MORC1: variants seen among roughly 807,000 people sequenced by gnomAD.
MORC1 encodes MORC family CW-type zinc finger 1, also known as MORC family CW-type zinc finger protein 1.
Under a neutral mutation model 134.9 loss-of-function variants are expected in MORC1, and 59 were observed. That is an observed-to-expected ratio of 0.44 (90% CI 0.35 to 0.54). The LOEUF (loss-of-function observed/expected upper bound fraction) is 0.54, where lower values mean the gene tolerates loss of function less well. MORC1 is among the 20% of genes least tolerant of loss of function. The pLI, the probability that MORC1 is intolerant of heterozygous loss-of-function variation, is 0.00. For missense variants in MORC1, 947 were observed against 1,134.5 expected, an observed-to-expected ratio of 0.83 and a Z score of 2.37; for synonymous variants, 395 against 391.7, an observed-to-expected ratio of 1.01 and a Z score of -0.10.
At chr3:109,012,899 TTC>T (rs1948729465) in intron 17 of MORC1, among the ~76,000 whole-genome samples, 1 of 152,232 alleles carries the variant, frequency 6.6e-6, no homozygotes, top group Admixed American at 6.5e-5. Flanking sequence ...TTCTTTCTTT[TTC>T]TCTCTTTTCA....
At chr3:109,079,151 C>T (rs952382009) in intron 8 of MORC1, among the ~76,000 whole-genome samples, 1 of 151,932 alleles carries the variant, frequency 6.6e-6, no homozygotes, top group African/African-American at 2.4e-5. Context: ...CCAATCAATA[C>T]TAAATAAGGA....
intron 17 of MORC1, among the ~76,000 whole-genome samples, chr3:109,024,386 C>A (rs751633736): frequency 6.6e-6 from 1 of 152,072 alleles, no homozygotes; most frequent in Non-Finnish European, 1.5e-5. Flanking sequence ...AAATAAGATA[C>A]CATGTGGAAA....
intron 14 of MORC1, among the ~76,000 whole-genome samples, chr3:109,038,729 T>C (rs564269391): frequency 6.6e-6 from 1 of 152,338 alleles, no homozygotes; most frequent in African/African-American, 2.4e-5. Context: ...GTCAGGTTTG[T>C]CAAAGACCAG....
rs149263174 is a variant in MORC1, at chr3:108,970,167, A to G, written c.2551-445T>C. 4.4e-4 allele frequency among the ~76,000 whole-genome samples: 67 copies of G among 152,258 alleles called. No individual in the cohort carries two copies. In the East Asian group the frequency reaches 0.011, roughly 25 times the overall value. On this transcript the variant is annotated intron_variant, in intron 25 of 27. Coordinates refer to ENST00000232603, the MANE Select transcript of MORC1 (RefSeq NM_014429.4). ...ACGAGGTTACCTAGAAACAGCATTT[A>G]ATAGAGAAAAGAAAGTGGCCCAGGA...
chr3:109,115,286 T>C (rs1057511055), intron 1 of MORC1, among the ~76,000 whole-genome samples: 13 of 151,698 alleles, frequency 8.6e-5, no homozygotes, highest in African/African-American at 3.2e-4. Context: ...ATCTGCAACC[T>C]CAGGCCACAG....
chr3:108,975,389 T>A (rs1421982321), intron 24 of MORC1, among the ~76,000 whole-genome samples: 2 of 149,354 alleles, frequency 1.3e-5, no homozygotes, highest in South Asian at 2.1e-4. Flanking sequence ...TTTTTAAAAC[T>A]TTTTTTTGGT....
chr3:109,007,680 A>G (rs1460843889), intron 17 of MORC1, among the ~76,000 whole-genome samples: 2 of 152,110 alleles, frequency 1.3e-5, no homozygotes, highest in East Asian at 3.9e-4. Flanking sequence ...ATCTATCCTG[A>G]AGGTCTCCTC....
At chr3:109,044,782 T>TA (rs1949645572) in intron 14 of MORC1, among the ~76,000 whole-genome samples, 1 of 145,080 alleles carries the variant, frequency 6.9e-6, no homozygotes, top group Non-Finnish European at 1.5e-5. Flanking sequence ...CTGTCTCTAC[T>TA]AAAACACAAA....
rs766712091 is a variant in MORC1, at chr3:109,027,750, C to T, written c.1704+1G>A. The T allele has an allele frequency of 5.6e-6, 9 of 1,613,690 alleles. No individual in the cohort carries two copies. The East Asian group carries it at 8.9e-5, about 16-fold the overall frequency. On this transcript the variant is annotated splice_donor_variant, in intron 17 of 27. Coordinates refer to ENST00000232603, the MANE Select transcript of MORC1 (RefSeq NM_014429.4). LOFTEE classifies it high-confidence loss of function. ...TTAGGGAGGAATTAATCACAACTCA[C>T]CTGTGGCTGCTGTTCTGCCAGTCTA...
intron 16 of MORC1, among the ~76,000 whole-genome samples, chr3:109,029,919 C>A (rs185304757): frequency 4.9e-4 from 74 of 152,248 alleles, no homozygotes; most frequent in African/African-American, 1.7e-3. Flanking sequence ...GAATTCTGGG[C>A]AAGTCACTAA....
intron 8 of MORC1, among the ~76,000 whole-genome samples, chr3:109,073,534 T>A (rs1950363495): frequency 6.6e-6 from 1 of 152,106 alleles, no homozygotes; most frequent in South Asian, 2.1e-4. Context: ...AGCTGAGAAA[T>A]ACAACTCCTC....
chr3:109,061,249 T>C (rs1247040069), intron 11 of MORC1, among the ~76,000 whole-genome samples: 2 of 152,246 alleles, frequency 1.3e-5, no homozygotes, highest in Non-Finnish European at 2.9e-5. Context: ...TATCCCTTTG[T>C]ATGTAAGCAA....
At chr3:108,965,308 A>G (rs1947188762) in intron 26 of MORC1, among the ~76,000 whole-genome samples, 1 of 152,246 alleles carries the variant, frequency 6.6e-6, no homozygotes, top group Admixed American at 6.5e-5. Flanking sequence ...TGAAAAAACA[A>G]TAGTATTGCT....
chr3:109,113,580 A>G (rs1951212700), intron 2 of MORC1, among the ~76,000 whole-genome samples: 2 of 152,168 alleles, frequency 1.3e-5, no homozygotes, highest in African/African-American at 2.4e-5. Flanking sequence ...TCCTGGATGG[A>G]CTTTGCTTTC....
intron 14 of MORC1, among the ~76,000 whole-genome samples, chr3:109,036,533 C>T (rs1286181055): frequency 6.6e-6 from 1 of 152,034 alleles, no homozygotes; most frequent in Non-Finnish European, 1.5e-5. Flanking sequence ...AAAAAGAATC[C>T]ATGTTTGACT....
At chr3:109,115,411 TAA>T (rs908809954) in intron 1 of MORC1, among the ~76,000 whole-genome samples, 14 of 151,652 alleles carry the variant, frequency 9.2e-5, no homozygotes, top group Non-Finnish European at 1.8e-4. Flanking sequence ...AGAGGATGAT[TAA>T]AAGTCTCATG....
At chr3:109,032,581 C>G (rs1234860640) in intron 16 of MORC1, 139 bp downstream of exon 16, 2 of 610,366 alleles carry the variant, frequency 3.3e-6, no homozygotes, top group Non-Finnish European at 5.7e-6. Flanking sequence ...GCACAGGTAG[C>G]AGGGCATTAG....
chr3:108,996,286 G>GCACACACACACACACACACA (rs66629906), intron 21 of MORC1, among the ~76,000 whole-genome samples: 93 of 146,456 alleles, frequency 6.4e-4, no homozygotes, highest in African/African-American at 1.7e-3. Context: ...GCGCGCGCGC[G>GCACACACACACACACACACA]CACACACACA....
chr3:109,035,112 A>T (rs1949344391), intron 15 of MORC1, among the ~76,000 whole-genome samples: 1 of 152,002 alleles, frequency 6.6e-6, no homozygotes, highest in African/African-American at 2.4e-5. Flanking sequence ...CTACTCCCCC[A>T]TCCTTTTCTT....
Sources: allele counts gnomAD v4.1 joint callset (sites outside exome capture counted in the v4.1 genomes callset), GRCh38; gene constraint gnomAD v4.1.1; transcripts MANE v1.5; gene names NCBI Gene and HGNC (gene_info 2026-07-23, HGNC 2026-07-21).